The following PHF21B variants were observed in gnomAD, a reference collection of about 807,000 sequenced individuals.
PHF21B encodes PHD finger protein 21B, also known as PHD finger protein 4.
In PHF21B, 22 loss-of-function variants were observed where a neutral mutation model predicts 62.2. That is an observed-to-expected ratio of 0.35 (90% CI 0.25 to 0.51). The LOEUF is 0.51. Ranked by LOEUF, PHF21B falls within the 20% of genes least tolerant of loss-of-function variation. The pLI is 0.97. For missense variants in PHF21B, 701 were observed against 707.9 expected (o/e 0.99, Z 0.11); for synonymous variants, 341 against 314.7 (o/e 1.08, Z -0.88).
At chr22:44,993,087 A>T (rs2073066942) in intron 2 of PHF21B, among the ~76,000 whole-genome samples, 3 of 152,196 alleles carry the variant, frequency 2.0e-5, no homozygotes, top group Admixed American at 1.3e-4. Context: ...CATCAGGTAC[A>T]GGGAGAAGCC....
intron 2 of PHF21B, among the ~76,000 whole-genome samples, chr22:45,004,726 A>G (rs2073283264): frequency 6.6e-6 from 1 of 152,234 alleles, no homozygotes; most frequent in Non-Finnish European, 1.5e-5. Context: ...GGCTGCTTCT[A>G]AGGTGGAATC....
rs60734763 is a variant in PHF21B, at chr22:44,884,638, T to C, written c.1377+788A>G. On this transcript the variant is annotated intron_variant, in intron 12 of 12. Coordinates refer to ENST00000313237, the MANE Select transcript of PHF21B (RefSeq NM_138415.5). ...ATCACCACCATAATCACCATTATCA[T>C]CACCACCATCACCATCACTGTGGTC... Among the ~76,000 whole-genome samples, 368 of 148,164 alleles carry C rather than the reference T, an allele frequency of 2.5e-3. 4 individuals are homozygous for C. In the East Asian group the frequency reaches 0.042, roughly 17 times the overall value.
intron 5 of PHF21B, among the ~76,000 whole-genome samples, chr22:44,896,364 C>T (rs9614971): frequency 0.089 from 13,433 of 150,678 alleles, 652 homozygotes; most frequent in Non-Finnish European, 0.1. Context: ...TGGGCTAATC[C>T]TTATGGGTGC....
chr22:45,007,344 C>T (rs934960136), intron 2 of PHF21B, among the ~76,000 whole-genome samples: 3 of 151,784 alleles, frequency 2.0e-5, no homozygotes, highest in Non-Finnish European at 1.5e-5. Flanking sequence ...GCCGCCCCAA[C>T]CTCGTCCACG....
At chr22:44,915,196 T>C (rs1257579274) in intron 4 of PHF21B, among the ~76,000 whole-genome samples, 1 of 152,144 alleles carries the variant, frequency 6.6e-6, no homozygotes, top group African/African-American at 2.4e-5. Flanking sequence ...CATTTTTATA[T>C]CCATGGGAAG....
At chr22:44,995,782 A>ACCCCCCCCCCCCCCCCCCC (rs1016350979) in intron 2 of PHF21B, among the ~76,000 whole-genome samples, 1 of 135,698 alleles carries the variant, frequency 7.4e-6, no homozygotes. Flanking sequence ...TTACTAGATG[A>ACCCCCCCCCCCCCCCCCCC]CCCCCCCGCC....
At chr22:44,993,081 A>G (rs2073066785) in intron 2 of PHF21B, among the ~76,000 whole-genome samples, 1 of 152,218 alleles carries the variant, frequency 6.6e-6, no homozygotes, top group Non-Finnish European at 1.5e-5. Flanking sequence ...ACAAGGCATC[A>G]GGTACAGGGA....
At chr22:44,980,606 CAG>C (rs1358899783) in intron 2 of PHF21B, among the ~76,000 whole-genome samples, 1 of 152,208 alleles carries the variant, frequency 6.6e-6, no homozygotes, top group Non-Finnish European at 1.5e-5. Flanking sequence ...CCACTGCCAT[CAG>C]AGGCAAATTC....
At chr22:44,948,038 C>T (rs1013751137) in intron 2 of PHF21B, among the ~76,000 whole-genome samples, 3 of 152,180 alleles carry the variant, frequency 2.0e-5, no homozygotes, top group Non-Finnish European at 2.9e-5. Flanking sequence ...CCCGTTCGGA[C>T]GTGATGCTGC....
At chr22:44,980,695 C>A (rs2072825173) in intron 2 of PHF21B, among the ~76,000 whole-genome samples, 1 of 152,164 alleles carries the variant, frequency 6.6e-6, no homozygotes, top group Admixed American at 6.5e-5. Flanking sequence ...ACTTTCCACA[C>A]AACACAAGTG....
intron 2 of PHF21B, among the ~76,000 whole-genome samples, chr22:44,976,593 T>C (rs2072742086): frequency 6.6e-6 from 1 of 152,264 alleles, no homozygotes; most frequent in South Asian, 2.1e-4. Flanking sequence ...CTGCAAGTTA[T>C]ACAAGTTGCA....
chr22:44,898,148 T>C (rs1227341283), intron 5 of PHF21B, among the ~76,000 whole-genome samples: 2 of 152,138 alleles, frequency 1.3e-5, no homozygotes, highest in African/African-American at 4.8e-5. Context: ...TATTTAGATA[T>C]CATGCCTCCT....
intron 8 of PHF21B, among the ~76,000 whole-genome samples, chr22:44,890,955 A>G (rs2070952492): frequency 1.3e-5 from 2 of 152,232 alleles, no homozygotes; most frequent in South Asian, 4.1e-4. Context: ...AGCCCAGCCC[A>G]GGGGTATCAG....
chr22:44,883,901 A>T (rs1011710703), intron 12 of PHF21B, among the ~76,000 whole-genome samples: 2 of 152,134 alleles, frequency 1.3e-5, no homozygotes, highest in African/African-American at 4.8e-5. Flanking sequence ...ACTGCATTTA[A>T]AGAGCTTCCC....
intron 2 of PHF21B, among the ~76,000 whole-genome samples, chr22:44,936,188 C>T (rs980269763): frequency 5.9e-5 from 9 of 152,232 alleles, no homozygotes; most frequent in East Asian, 1.9e-4. Flanking sequence ...AGCCCCCTCC[C>T]GGGAGAGCTA....
chr22:44,970,558 C>T (rs2072618016), intron 2 of PHF21B, among the ~76,000 whole-genome samples: 1 of 152,206 alleles, frequency 6.6e-6, no homozygotes, highest in Admixed American at 6.5e-5. Context: ...ATGACCCTCC[C>T]CACACCTGCC....
At chr22:44,896,883 T>TTTTTTTTTTTTTTG (rs2071069121) in intron 5 of PHF21B, among the ~76,000 whole-genome samples, 2 of 132,320 alleles carry the variant, frequency 1.5e-5, no homozygotes, top group Non-Finnish European at 3.2e-5. Context: ...TTTATCTGTT[T>TTTTTTTTTTTTTTG]TTTTTTTTTT....
rs776157923 is a variant in PHF21B at position 44,949,004 on chromosome 22, T to C, written c.121-28514A>G. On this transcript the variant is annotated intron_variant, in intron 2 of 12. Coordinates refer to ENST00000313237, the MANE Select transcript of PHF21B (RefSeq NM_138415.5). ...GTTGGGAAGTAACGCTCAAGCTCTT[T>C]TGAAAGCTGAGGTAGGGGCCGGGCG... Among the ~76,000 whole-genome samples the C allele has an allele frequency of 2.0e-5, 3 of 152,046 alleles. No homozygotes were observed. The East Asian group carries it at 5.8e-4, about 30-fold the overall frequency.
chr22:44,924,852 C>T (rs148398192), intron 2 of PHF21B, among the ~76,000 whole-genome samples: 243 of 152,304 alleles, frequency 1.6e-3, no homozygotes, highest in Non-Finnish European at 1.7e-3. Flanking sequence ...GAGACTTGTA[C>T]GTGAATGTTC....
Sources: gnomAD v4.1 joint callset for allele counts (sites outside exome capture counted in the v4.1 genomes callset) on GRCh38, gnomAD v4.1.1 for gene constraint, MANE v1.5 for transcripts, NCBI Gene and HGNC (gene_info 2026-07-23, HGNC 2026-07-21) for gene names.